MSRA: variants seen among roughly 807,000 people sequenced by gnomAD.
The protein encoded by MSRA is methionine sulfoxide reductase A, also known as mitochondrial peptide methionine sulfoxide reductase.
A neutral mutation model predicts 31.3 loss-of-function variants in MSRA; 54 were observed. The ratio of observed to expected loss-of-function variants is 1.73; its 90% CI spans 1.39 to 2.17. The LOEUF is 2.17. Ranked by LOEUF, MSRA falls within the 30% of genes most tolerant of loss-of-function variation. The pLI is 0.00. For synonymous variants in MSRA, 169 were observed against 116.5 expected (o/e 1.45, Z -2.90); for missense variants, 507 against 300.9 (o/e 1.69, Z -5.07).
chr8:10,238,573 CAAAT>C (rs1393161923), intron 2 of MSRA, among the ~76,000 whole-genome samples: 1 of 152,086 alleles, frequency 6.6e-6, no homozygotes, highest in Non-Finnish European at 1.5e-5. Flanking sequence ...CAGGAATAGA[CAAAT>C]GAATGGAGCG....
At chr8:10,103,749 C>G (rs1331616088) in intron 1 of MSRA, among the ~76,000 whole-genome samples, 2 of 151,478 alleles carry the variant, frequency 1.3e-5, no homozygotes, top group Non-Finnish European at 2.9e-5. Context: ...ATATCGAAGA[C>G]CTTCAAATAG....
intron 1 of MSRA, among the ~76,000 whole-genome samples, chr8:10,172,148 A>T (rs1805647048): frequency 6.6e-6 from 1 of 152,212 alleles, no homozygotes; most frequent in South Asian, 2.1e-4. Context: ...TGCTCCCTCC[A>T]TGCCAATGTG....
chr8:10,168,459 C>T (rs927422332), intron 1 of MSRA, among the ~76,000 whole-genome samples: 3 of 152,158 alleles, frequency 2.0e-5, no homozygotes, highest in African/African-American at 7.2e-5. Context: ...GGCAGCCTGG[C>T]ACACAAATAA....
At chr8:10,093,234 T>G (rs1798946341) in intron 1 of MSRA, among the ~76,000 whole-genome samples, 1 of 152,178 alleles carries the variant, frequency 6.6e-6, no homozygotes, top group South Asian at 2.1e-4. Flanking sequence ...TTGGGCTATA[T>G]TCTACGTATC....
intron 4 of MSRA, among the ~76,000 whole-genome samples, chr8:10,309,548 A>G (rs1054843968): frequency 8.5e-5 from 13 of 152,082 alleles, no homozygotes; most frequent in South Asian, 2.1e-4. Context: ...TTTATCCTCA[A>G]TCAGCTCCTC....
chr8:10,088,674 T>G (rs1798693128), intron 1 of MSRA, among the ~76,000 whole-genome samples: 1 of 151,910 alleles, frequency 6.6e-6, no homozygotes, highest in Non-Finnish European at 1.5e-5. Context: ...AGGATGAGGT[T>G]GCAGTGAGCT....
chr8:10,331,275 G>C (rs928088802), intron 5 of MSRA, among the ~76,000 whole-genome samples: 11 of 152,332 alleles, frequency 7.2e-5, no homozygotes, highest in African/African-American at 2.6e-4. Context: ...ATGGAGCGGG[G>C]GCAGAGCACT....
chr8:10,391,587 C>T (rs1806750686), intron 5 of MSRA, among the ~76,000 whole-genome samples: 1 of 152,212 alleles, frequency 6.6e-6, no homozygotes, highest in Admixed American at 6.5e-5. Flanking sequence ...TCACATAAAG[C>T]CAACAGTCAG....
intron 2 of MSRA, among the ~76,000 whole-genome samples, chr8:10,224,508 C>A (rs776349495): frequency 1.3e-5 from 2 of 152,016 alleles, no homozygotes; most frequent in Non-Finnish European, 2.9e-5. Flanking sequence ...AAAAAAAGAC[C>A]AAATAAAAAT....
intron 3 of MSRA, among the ~76,000 whole-genome samples, chr8:10,266,351 ATTATT>A (rs1310229595): frequency 1.3e-5 from 2 of 152,142 alleles, no homozygotes; most frequent in Admixed American, 6.5e-5. Context: ...ACCGAATTAT[ATTATT>A]TTGTCATGAA....
At chr8:10,287,130 A>T (rs1227017133) in intron 3 of MSRA, among the ~76,000 whole-genome samples, 1 of 152,198 alleles carries the variant, frequency 6.6e-6, no homozygotes, top group Non-Finnish European at 1.5e-5. Context: ...TCTACTAGTC[A>T]AGGCTAAAAG....
At chr8:10,177,285 C>T (rs148724942) in intron 1 of MSRA, among the ~76,000 whole-genome samples, 1,627 of 152,234 alleles carry the variant, frequency 0.011, 20 homozygotes, top group Middle Eastern at 0.031. Flanking sequence ...TCCCATAGTT[C>T]TAAATTATGC....
intron 1 of MSRA, among the ~76,000 whole-genome samples, chr8:10,090,127 C>T (rs1563422593): frequency 6.6e-6 from 1 of 152,140 alleles, no homozygotes; most frequent in Non-Finnish European, 1.5e-5. Flanking sequence ...AAAATGAGTC[C>T]TGGGAAGCAG....
chr8:10,202,348 G>A (rs1462817299), intron 1 of MSRA, among the ~76,000 whole-genome samples: 3 of 152,188 alleles, frequency 2.0e-5, no homozygotes, highest in Admixed American at 1.3e-4. Flanking sequence ...TTCCCATTGT[G>A]GAGTGGAAAG....
At chr8:10,106,660 C>G (rs1364716006) in intron 1 of MSRA, among the ~76,000 whole-genome samples, 1 of 152,202 alleles carries the variant, frequency 6.6e-6, no homozygotes, top group South Asian at 2.1e-4. Flanking sequence ...AAATCAAGTC[C>G]TCTGCTTCCA....
intron 1 of MSRA, among the ~76,000 whole-genome samples, chr8:10,177,361 A>G (rs1806144701): frequency 1.3e-5 from 2 of 152,372 alleles, no homozygotes; most frequent in Non-Finnish European, 2.9e-5. Context: ...GAGGATAAAG[A>G]ATATGATTAT....
chr8:10,428,417 A>C lies in MSRA; in HGVS notation c.*105A>C. 1 of 1,237,210 alleles carries C rather than the reference A, an allele frequency of 8.1e-7. No homozygotes were observed. The highest frequency in any genetic ancestry group is 1.1e-6 in the Non-Finnish European group (1 of 879,406). 76.6% of individuals were successfully genotyped at this position (1,237,210 alleles called of 1,614,324 possible). On this transcript the variant is annotated 3_prime_UTR_variant, in exon 6 of 6. Coordinates refer to ENST00000317173, the MANE Select transcript of MSRA (RefSeq NM_012331.5). ...TCGTGGCATTTAAAGTGCACAAAGT[A>C]CAAAGGAATTTATACAGATTGGGTT...
At chr8:10,219,230 G>A (rs745322249) in intron 2 of MSRA, among the ~76,000 whole-genome samples, 26 of 152,174 alleles carry the variant, frequency 1.7e-4, no homozygotes, top group Non-Finnish European at 3.7e-4. Flanking sequence ...CACCTGGAGC[G>A]CTTTTTCACG....
intron 5 of MSRA, among the ~76,000 whole-genome samples, chr8:10,334,196 G>C (rs929020293): frequency 2.2e-5 from 3 of 138,252 alleles, no homozygotes; most frequent in African/African-American, 7.5e-5. Flanking sequence ...TTATGTGTGT[G>C]TGTGTGTGTG....
Sources: allele counts gnomAD v4.1 joint callset (sites outside exome capture counted in the v4.1 genomes callset), GRCh38; gene constraint gnomAD v4.1.1; transcripts MANE v1.5; gene names NCBI Gene and HGNC (gene_info 2026-07-23, HGNC 2026-07-21).